Variants in RIN3 observed in about 807,000 individuals in gnomAD.
RIN3 encodes RAB5 interacting protein 3.
Under a neutral mutation model 76.3 loss-of-function variants are expected in RIN3, and 54 were observed. The observed-to-expected ratio is 0.71, with a 90% confidence interval of 0.57 to 0.89. The LOEUF (loss-of-function observed/expected upper bound fraction) is 0.89, where lower values mean the gene tolerates loss of function less well. Ranked by LOEUF, RIN3 falls within the 40% of genes least tolerant of loss-of-function variation. RIN3 has a pLI of 0.00. For missense variants in RIN3, 1,256 were observed against 1,322.1 expected, an observed-to-expected ratio of 0.95 and a Z score of 0.78; for synonymous variants, 576 against 564.0, an observed-to-expected ratio of 1.02 and a Z score of -0.30.
At chr14:92,625,048 C>A (rs1886306611) in intron 4 of RIN3, among the ~76,000 whole-genome samples, 1 of 152,178 alleles carries the variant, frequency 6.6e-6, no homozygotes, top group African/African-American at 2.4e-5. Context: ...CGCTAAGAGA[C>A]CTTTAGTCCT....
chr14:92,525,756 C>T (rs907816230), intron 1 of RIN3, among the ~76,000 whole-genome samples: 4 of 152,178 alleles, frequency 2.6e-5, no homozygotes, highest in South Asian at 4.1e-4. Flanking sequence ...CCTGGAGCCC[C>T]GCTGTGGCCT....
At chr14:92,581,629 G>A (rs1168280415) in intron 3 of RIN3, among the ~76,000 whole-genome samples, 1 of 152,032 alleles carries the variant, frequency 6.6e-6, no homozygotes, top group Non-Finnish European at 1.5e-5. Context: ...AGCCTCCAGG[G>A]TCACCACTCT....
intron 1 of RIN3, among the ~76,000 whole-genome samples, chr14:92,541,925 C>CGGG (rs1897139936): frequency 6.6e-6 from 1 of 152,158 alleles, no homozygotes; most frequent in East Asian, 1.9e-4. Context: ...AAATTTACAA[C>CGGG]TCAGTAATAG....
At chr14:92,667,193 T>C (rs1402086152) in intron 7 of RIN3, among the ~76,000 whole-genome samples, 1 of 152,142 alleles carries the variant, frequency 6.6e-6, no homozygotes, top group Non-Finnish European at 1.5e-5. Flanking sequence ...GGTCAGGCTG[T>C]TGATTTTTTT....
chr14:92,543,618 CTTTTTTTTTTTTTTTTTT>C (rs3033757), intron 1 of RIN3, among the ~76,000 whole-genome samples: 1 of 84,886 alleles, frequency 1.2e-5, no homozygotes, highest in Admixed American at 1.4e-4. Context: ...AAGGCTTTTG[CTTTTTTTTTTTTTTTTTT>C]TTTTTTTTAA....
At chr14:92,680,571 G>A (rs1272212159) in intron 8 of RIN3, among the ~76,000 whole-genome samples, 1 of 152,086 alleles carries the variant, frequency 6.6e-6, no homozygotes, top group Non-Finnish European at 1.5e-5. Context: ...ACCTCCCAAA[G>A]GCCCCACCTC....
chr14:92,554,478 G>T (rs1354133263), intron 1 of RIN3, among the ~76,000 whole-genome samples: 1 of 152,160 alleles, frequency 6.6e-6, no homozygotes, highest in South Asian at 2.1e-4. Context: ...ACTGGGAAGG[G>T]GTAAGAAGGA....
intron 4 of RIN3, among the ~76,000 whole-genome samples, chr14:92,622,776 T>A (rs137913224): frequency 3.9e-4 from 59 of 152,314 alleles, no homozygotes; most frequent in African/African-American, 1.4e-3. Flanking sequence ...GAGGGAGGGC[T>A]GATAGATGAA....
chr14:92,626,738 A>C lies in RIN3; in HGVS notation c.440+11259A>C, dbSNP rs79291919. On this transcript the variant is annotated intron_variant, in intron 4 of 9. Coordinates refer to ENST00000216487, the MANE Select transcript of RIN3 (RefSeq NM_024832.5). ...AGCAGCAGCTGCCTGTGGAGGGGAC[A>C]GGTCAAGTTGGGGGGAATTAAATGG... Among the ~76,000 whole-genome samples, 563 of 152,194 alleles carry C rather than the reference A, an allele frequency of 3.7e-3. 3 individuals are homozygous for C. The highest frequency in any genetic ancestry group is 0.012 in the African/African-American group (510 of 41,512).
In RIN3 at chr14:92,685,885, G is replaced by C. The variant is rs1450322936; in HGVS notation, c.2631+735G>C. On this transcript the variant is annotated intron_variant, in intron 9 of 9. Transcript: ENST00000216487. This position sits in a 1 kb window ranked among gnomAD's most constrained non-coding sequence, Gnocchi z 4.7. Reference sequence around the variant, plus strand: ...CACACACACCGTTTCACACAGGCTGGGTGGGGTGCCCTCCTCTGGGCTTCC... The same window carrying C: ...CACACACACCGTTTCACACAGGCTGCGTGGGGTGCCCTCCTCTGGGCTTCC... The C allele has an allele frequency of 6.6e-6, 1 of 152,614 alleles. No individual in the cohort carries two copies. The highest frequency in any genetic ancestry group is 2.1e-4 in the South Asian group (1 of 4,830). The allele number at this position is 152,614 out of a possible 1,614,324, so 9.5% of individuals were successfully genotyped here.
intron 3 of RIN3, among the ~76,000 whole-genome samples, chr14:92,587,784 G>A (rs1339466343): frequency 6.6e-6 from 1 of 152,098 alleles, no homozygotes; most frequent in East Asian, 1.9e-4. Context: ...TCACAGGAGA[G>A]CACCGGGTTT....
intron 1 of RIN3, chr14:92,515,063 A>T (rs1465151104): frequency 5.3e-6 from 3 of 569,180 alleles, no homozygotes; most frequent in Non-Finnish European, 9.4e-6. Context: ...GGACAGCTGG[A>T]GGTGACTGGC....
chr14:92,538,043 T>A (rs1283724601), intron 1 of RIN3, among the ~76,000 whole-genome samples: 1 of 152,066 alleles, frequency 6.6e-6, no homozygotes, highest in Non-Finnish European at 1.5e-5. Flanking sequence ...GCCAGGATGG[T>A]CTCAATCTCT....
chr14:92,520,768 A>G (rs1235338527), intron 1 of RIN3, among the ~76,000 whole-genome samples: 1 of 152,146 alleles, frequency 6.6e-6, no homozygotes, highest in Non-Finnish European at 1.5e-5. Flanking sequence ...TCACAATCTG[A>G]TGATCTCTGG....
At position 92,685,088 on chromosome 14, in the gene RIN3, A is replaced by G; in HGVS notation, c.2569A>G (p.Ile857Val). 1 of 1,613,792 alleles carries G rather than the reference A, an allele frequency of 6.2e-7. No homozygotes were observed. Among genetic ancestry groups the G allele is most frequent in the Non-Finnish European group, 8.5e-7 (1 of 1,179,918 alleles). Residue 857 changes from isoleucine to valine, a missense_variant, in exon 9 of 10, where the codon ATC (isoleucine) becomes GTC (valine). By Grantham distance (29) the Ile-to-Val change is conservative. Coordinates refer to ENST00000216487, the MANE Select transcript of RIN3 (RefSeq NM_024832.5). This position sits in a 1 kb window ranked among gnomAD's most constrained non-coding sequence, Gnocchi z 4.7. ...GCTGAGTGTGGAGGTGCAGGACTCC[A>G]TCCACCGCTGGGAGCGCCGGCGTAC... is the stretch of plus-strand genomic sequence containing the variant. ...RQLSVEVQDS[I>V]HRWERRRTLN...
At chr14:92,551,334 G>A (rs188389982) in intron 1 of RIN3, among the ~76,000 whole-genome samples, 9 of 152,252 alleles carry the variant, frequency 5.9e-5, no homozygotes, top group East Asian at 3.9e-4. Context: ...ACATGCCACC[G>A]TTTGTTTATC....
chr14:92,605,047 A>G (rs1885479710), intron 3 of RIN3, among the ~76,000 whole-genome samples: 1 of 148,680 alleles, frequency 6.7e-6, no homozygotes, highest in East Asian at 2.0e-4. Context: ...GGTAGCTGGG[A>G]CTGCAGATGT....
chr14:92,610,359 T>A (rs1328123978), intron 3 of RIN3, among the ~76,000 whole-genome samples: 1 of 152,060 alleles, frequency 6.6e-6, no homozygotes, highest in Admixed American at 6.6e-5. Context: ...AAGCAACCGC[T>A]GATATCCTTT....
rs1192530904 is a variant in RIN3, at chr14:92,651,641, A to G, written c.592A>G (p.Arg198Gly). The G allele has an allele frequency of 1.2e-6, 2 of 1,613,444 alleles. No individual in the cohort carries two copies. Among genetic ancestry groups the G allele is most frequent in the Non-Finnish European group, 1.7e-6 (2 of 1,179,700 alleles). ...QERGKPAEPP[R>G]DRAPGFPLVS... ...AAGAGGGAAGCCAGCAGAGCCCCCA[A>G]GAGACCGGGCCCCCGGATTCCCCCT... The change falls in exon 6 of 10, where the codon AGA becomes GGA. Residue 198 changes from arginine (R) to glycine (G), a missense_variant. By Grantham distance (125) the Arg-to-Gly change is moderately radical. Around this residue, in one of 3 missense-constraint regions of RIN3, gnomAD observed 610 missense variants for 626.4 expected, o/e 0.97. Coordinates refer to ENST00000216487, the MANE Select transcript of RIN3 (RefSeq NM_024832.5).
Sources: allele counts gnomAD v4.1 joint callset (sites outside exome capture counted in the v4.1 genomes callset), GRCh38; gene constraint gnomAD v4.1.1; regional missense constraint gnomAD v4.1.1; non-coding constraint Gnocchi (gnomAD v3.1); transcripts MANE v1.5; gene names NCBI Gene and HGNC (gene_info 2026-07-23, HGNC 2026-07-21).